Variants in HAP1 observed in about 807,000 individuals in gnomAD.
The protein encoded by HAP1 is huntingtin associated protein 1.
A neutral mutation model predicts 60.3 loss-of-function variants in HAP1; 59 were observed. The ratio of observed to expected loss-of-function variants is 0.98; its 90% CI spans 0.79 to 1.22. The LOEUF is 1.22. Among genes scored for constraint, HAP1 ranks in the 50% most tolerant of loss-of-function variants. HAP1 has a pLI of 0.00. For missense variants in HAP1, 825 were observed against 785.3 expected (o/e 1.05, Z -0.60); for synonymous variants, 346 against 330.6 (o/e 1.05, Z -0.50).
At chr17:41,720,434 AT>A (rs1911154650), downstream of HAP1, among the ~76,000 whole-genome samples, 1 of 151,810 alleles carries the variant, frequency 6.6e-6, no homozygotes, top group South Asian at 2.1e-4. Context: ...ACCTCAGGTG[AT>A]CCACCCACCT....
chr17:41,731,671 C>T lies in HAP1; in HGVS notation c.969G>A (p.Leu323=). The change falls in exon 5 of 11, where the codon CTG becomes CTA. Residue 323 remains leucine (L), a synonymous_variant. Coordinates refer to ENST00000347901, the MANE Select transcript of HAP1 (RefSeq NM_177977.3). ...QLEALQEKLR[L]LEEENHQLRE... is the part of the protein sequence containing the mutation. ...TCAGCTGATGATTCTCCTCCTCCAG[C>T]AGCCTCAGCTTCTCCTGCAAGGCTT... is the stretch of plus-strand genomic sequence containing the variant. The T allele has an allele frequency of 6.2e-7, 1 of 1,614,094 alleles. No individual in the cohort carries two copies. The highest frequency in any genetic ancestry group is 1.6e-4 in the Middle Eastern group (1 of 6,062).
chr17:41,725,834 G>T, intron 10 of HAP1, 25 bp downstream of exon 10: 1 of 1,596,698 alleles, frequency 6.3e-7, no homozygotes, highest in South Asian at 1.1e-5. Flanking sequence ...AGGGCAGGTT[G>T]TAGGGGAGCC....
At chr17:41,725,473 A>G (rs1309101406) in intron 10 of HAP1, among the ~76,000 whole-genome samples, 3 of 152,196 alleles carry the variant, frequency 2.0e-5, no homozygotes, top group African/African-American at 7.2e-5. Flanking sequence ...CCCCACAGCT[A>G]CTTGCCATAG....
chr17:41,727,616 T>TGTGCCAGGCATGGA (rs367780486), intron 8 of HAP1, 146 bp downstream of exon 8: 4 of 656,194 alleles, frequency 6.1e-6, no homozygotes, highest in Middle Eastern at 4.0e-4. Context: ...CCTGCTGGGC[T>TGTGCCAGGCATGGA]GTGCCAGGCA....
chr17:41,730,093 GAA>G lies in HAP1; in HGVS notation c.1069+1398_1069+1399del, dbSNP rs58502826. On this transcript the variant is annotated intron_variant, in intron 6 of 10. Coordinates refer to ENST00000347901, the MANE Select transcript of HAP1 (RefSeq NM_177977.3). ...AGAAAAGAAAGAAAAGAAAAGAAAA[GAA>G]AAGAAAAGAAAAGAAAAGAAAGAAA... 2 of 13,344 alleles carry G rather than the reference GAA, an allele frequency of 1.5e-4. 1 individual carries two copies. The highest frequency in any genetic ancestry group is 2.6e-4 in the Non-Finnish European group (2 of 7,672). 0.8% of individuals were successfully genotyped at this position (13,344 alleles called of 1,614,324 possible). A position where few individuals can be genotyped will look rare whatever the true frequency, so the allele number is the denominator to read the frequency against.
At position 41,734,629 on chromosome 17, in the gene HAP1, G is replaced by C. The variant is rs1470696841; in HGVS notation, c.6C>G (p.Arg2=). Residue 2 remains arginine, a synonymous_variant, in exon 1 of 11, where the codon CGC becomes CGG. Coordinates refer to ENST00000347901, the MANE Select transcript of HAP1 (RefSeq NM_177977.3). The part of the protein sequence containing the change: M[R]PKRLGRCCAG... Reference sequence around the variant, plus strand: ...CGCAGCACCGGCCCAACCTCTTCGGGCGCATCTCGAGTCTGCCGTCCGCTG... The same window carrying C: ...CGCAGCACCGGCCCAACCTCTTCGGCCGCATCTCGAGTCTGCCGTCCGCTG... 2 of 1,511,230 alleles carry C rather than the reference G, an allele frequency of 1.3e-6. No individual in the cohort carries two copies. The highest frequency in any genetic ancestry group is 2.4e-5 in the East Asian group (1 of 42,128). 93.6% of individuals were successfully genotyped at this position (1,511,230 alleles called of 1,614,324 possible).
Position 41,725,062 on chromosome 17 carries a change from TC to T in HAP1, c.1498del (p.Glu500LysfsTer27), listed in dbSNP as rs781830260. 6.1e-5 allele frequency: 98 copies of T among 1,611,910 alleles called. No individual in the cohort carries two copies. In the Middle Eastern group the frequency reaches 6.6e-4, roughly 11 times the overall value. ...LMLAADIMRG[E>X]DFTPAEEFVP... is the part of the protein sequence containing the mutation. ...GAACTCCTCCGCAGGCGTGAAATCTTCCCCCCGCATGATATCCGCTGCCAGC... is the reference window on the plus strand; with the variant it reads ...GAACTCCTCCGCAGGCGTGAAATCTTCCCCCGCATGATATCCGCTGCCAGC... On this transcript the variant is annotated frameshift_variant, in exon 11 of 11. Transcript: ENST00000347901. LOFTEE classifies it low-confidence loss of function (END_TRUNC).
At chr17:41,727,173 A>G (rs1555589084) in intron 8 of HAP1, 29 bp from the exon 9 acceptor site, 1 of 1,251,062 alleles carries the variant, frequency 8.0e-7, no homozygotes, top group South Asian at 1.2e-5. Flanking sequence ...ACGTTACCAG[A>G]GGACCCCCAC....
chr17:41,725,956 G>C, intron 9 of HAP1, 59 bp from the exon 10 acceptor site: 1 of 1,297,996 alleles, frequency 7.7e-7, no homozygotes, highest in Non-Finnish European at 1.1e-6. Flanking sequence ...GCAGTCCCTG[G>C]GGCTTGGTCA....
At chr17:41,733,791 C>T (rs1175007781) in intron 1 of HAP1, among the ~76,000 whole-genome samples, 1 of 151,748 alleles carries the variant, frequency 6.6e-6, no homozygotes, top group East Asian at 1.9e-4. Flanking sequence ...GCACGCAAGC[C>T]CGGTCGGCCA....
intron 1 of HAP1, among the ~76,000 whole-genome samples, chr17:41,733,578 C>T (rs1277227287): frequency 6.6e-6 from 1 of 151,868 alleles, no homozygotes; most frequent in East Asian, 1.9e-4. Context: ...TCACCCTGCA[C>T]CTGTTGCGTG....
At chr17:41,733,375 T>TTTTTTTTTC in intron 1 of HAP1, among the ~76,000 whole-genome samples, 1 of 145,054 alleles carries the variant, frequency 6.9e-6, no homozygotes, top group Non-Finnish European at 1.5e-5. Flanking sequence ...TTTTTTTTTT[T>TTTTTTTTTC]TACCCCTGGA....
intron 7 of HAP1, 61 bp downstream of exon 7, chr17:41,728,139 GA>G (rs1466201694): frequency 5.7e-6 from 9 of 1,586,024 alleles, no homozygotes; most frequent in Non-Finnish European, 7.7e-6. Flanking sequence ...GTGGAGGCAG[GA>G]AGAAGGAAGC....
At position 41,723,986 on chromosome 17, in the gene HAP1, A is replaced by T. The variant is rs1911400669; in HGVS notation, c.*715T>A. On this transcript the variant is annotated 3_prime_UTR_variant, in exon 11 of 11. Transcript: ENST00000347901. The stretch of plus-strand genomic sequence containing the variant: ...CCTGCCACGGAATGAGGCTGATGGG[A>T]GCTGATGCACGTGCAATGGCTGCTG... 2.0e-5 allele frequency: 3 copies of T among 152,300 alleles called. No homozygotes were observed. Among genetic ancestry groups the T allele is most frequent in the African/African-American group, 7.2e-5 (3 of 41,416 alleles). The allele number at this position is 152,300 out of a possible 1,614,324, so 9.4% of individuals were successfully genotyped here. A position where few individuals can be genotyped will look rare whatever the true frequency, so the allele number is the denominator to read the frequency against.
In HAP1 at chr17:41,725,001, C is replaced by A. The variant is rs1555588360; in HGVS notation, c.1560G>T (p.Val520=). Residue 520 remains valine, a synonymous_variant, in exon 11 of 11, where the codon GTG becomes GTT. Transcript: ENST00000347901. ...PQEELGAAKK[V]PAEEGVMEEA... ...CTTCCATCACCCCTTCCTCAGCCGG[C>A]ACCTTCTTGGCAGCCCCCAGCTCCT... 31 of 1,612,114 alleles carry A rather than the reference C, an allele frequency of 1.9e-5. No homozygotes were observed. The highest frequency in any genetic ancestry group is 2.5e-5 in the Non-Finnish European group (30 of 1,179,396).
intron 6 of HAP1, among the ~76,000 whole-genome samples, chr17:41,730,894 A>G (rs1912141195): frequency 6.9e-6 from 1 of 143,938 alleles, no homozygotes; most frequent in Non-Finnish European, 1.5e-5. Context: ...ATAAGAGAAG[A>G]CAGGCTTGGA....
chr17:41,733,004 T>A (rs1265436662), intron 1 of HAP1, among the ~76,000 whole-genome samples: 5 of 147,140 alleles, frequency 3.4e-5, no homozygotes, highest in Non-Finnish European at 6.0e-5. Context: ...CAGGGCCAAG[T>A]GGACAGGGTT....
chr17:41,730,104 AAAAGAAAAGAAAG>A lies in HAP1; in HGVS notation c.1069+1376_1069+1388del, dbSNP rs1210768596. ...AAAAGAAAAGAAAAGAAAAGAAAAG[AAAAGAAAAGAAAG>A]AAAGAAAGAAAAAATGAGGTCTTGC... is the stretch of plus-strand genomic sequence containing the variant. On this transcript the variant is annotated intron_variant, in intron 6 of 10. Coordinates refer to ENST00000347901, the MANE Select transcript of HAP1 (RefSeq NM_177977.3). The A allele has an allele frequency of 8.9e-5, 2 of 22,360 alleles. 1 individual carries two copies. The highest frequency in any genetic ancestry group is 1.5e-4 in the Non-Finnish European group (2 of 13,346). 1.4% of individuals were successfully genotyped at this position (22,360 alleles called of 1,614,324 possible). A position where few individuals can be genotyped will look rare whatever the true frequency, so the allele number is the denominator to read the frequency against.
chr17:41,727,870 G>GC lies in HAP1; in HGVS notation c.1201-35_1201-34insG, dbSNP rs1168330018. On this transcript the variant is annotated intron_variant, in intron 7 of 10. Transcript: ENST00000347901. The stretch of plus-strand genomic sequence containing the variant: ...ACCCAAAACCAGTGAACCCCCATCT[G>GC]AGGCCTACCCACTCAGGGCACCCCC... 3.7e-6 allele frequency: 5 copies of GC among 1,340,794 alleles called. No homozygotes were observed. The African/African-American group carries it at 7.1e-5, about 19-fold the overall frequency. The allele number at this position is 1,340,794 out of a possible 1,614,324, so 83.1% of individuals were successfully genotyped here.
Sources: allele counts gnomAD v4.1 joint callset (sites outside exome capture counted in the v4.1 genomes callset), GRCh38; gene constraint gnomAD v4.1.1; transcripts MANE v1.5; gene names NCBI Gene and HGNC (gene_info 2026-07-23, HGNC 2026-07-21).